KCNIP4: variants seen among roughly 807,000 people sequenced by gnomAD.
KCNIP4 encodes the protein Kv channel-interacting protein 4.
In KCNIP4, 12 loss-of-function variants were observed where a neutral mutation model predicts 34.0. The ratio of observed to expected loss-of-function variants is 0.35; its 90% CI spans 0.23 to 0.57. The LOEUF (loss-of-function observed/expected upper bound fraction) is 0.57, where lower values mean the gene tolerates loss of function less well. Among genes scored for constraint, KCNIP4 ranks in the 20% least tolerant of loss-of-function variants. The pLI is 0.83. For synonymous variants in KCNIP4, 124 were observed against 102.2 expected (o/e 1.21, Z -1.29); for missense variants, 238 against 311.7 (o/e 0.76, Z 1.78).
chr4:21,437,763 A>C (rs1223454811), intron 1 of KCNIP4, among the ~76,000 whole-genome samples: 1 of 152,216 alleles, frequency 6.6e-6, no homozygotes, highest in East Asian at 1.9e-4. Flanking sequence ...GTAACAAAAT[A>C]AAAGGGCTGA....
At chr4:20,901,890 A>G (rs944692551) in intron 1 of KCNIP4, among the ~76,000 whole-genome samples, 3 of 151,554 alleles carry the variant, frequency 2.0e-5, no homozygotes, top group South Asian at 2.1e-4. Flanking sequence ...CTATCTTTCC[A>G]AGAAAGGAAA....
chr4:20,952,915 G>T (rs908195175), intron 1 of KCNIP4, among the ~76,000 whole-genome samples: 1 of 152,224 alleles, frequency 6.6e-6, no homozygotes, highest in East Asian at 1.9e-4. Flanking sequence ...AGATGACACC[G>T]TCTTGCTGTG....
intron 1 of KCNIP4, among the ~76,000 whole-genome samples, chr4:21,904,377 A>C (rs375254302): frequency 4.6e-5 from 7 of 152,312 alleles, no homozygotes; most frequent in African/African-American, 1.7e-4. Flanking sequence ...AAACAGACAC[A>C]AAGATATCCC....
intron 1 of KCNIP4, among the ~76,000 whole-genome samples, chr4:21,251,221 G>A (rs1322589462): frequency 6.6e-6 from 1 of 152,098 alleles, no homozygotes; most frequent in Non-Finnish European, 1.5e-5. Context: ...TATCTATATT[G>A]TTAGATTATG....
chr4:20,769,740 C>G (rs943651078), intron 3 of KCNIP4, among the ~76,000 whole-genome samples: 24 of 152,220 alleles, frequency 1.6e-4, no homozygotes, highest in Non-Finnish European at 3.4e-4. Context: ...CTCTTCCAAG[C>G]TCACTGAGGT....
chr4:20,995,363 T>C (rs1425851381), intron 1 of KCNIP4, among the ~76,000 whole-genome samples: 3 of 152,202 alleles, frequency 2.0e-5, no homozygotes, highest in East Asian at 1.9e-4. Context: ...GTTAATGTAG[T>C]TAAAGCATTC....
intron 1 of KCNIP4, among the ~76,000 whole-genome samples, chr4:21,243,838 A>G (rs1280083132): frequency 2.6e-5 from 4 of 152,178 alleles, no homozygotes; most frequent in Non-Finnish European, 4.4e-5. Context: ...AGCATATTGC[A>G]TGCTAGAGGC....
At chr4:21,389,976 T>G (rs1258100140) in intron 1 of KCNIP4, among the ~76,000 whole-genome samples, 1 of 143,208 alleles carries the variant, frequency 7.0e-6, no homozygotes, top group Non-Finnish European at 1.6e-5. Flanking sequence ...GTTTCCTGAC[T>G]TTTTAATGAT....
intron 3 of KCNIP4, among the ~76,000 whole-genome samples, chr4:20,812,428 G>A (rs982772888): frequency 1.3e-5 from 2 of 152,114 alleles, no homozygotes; most frequent in African/African-American, 4.8e-5. Flanking sequence ...AGCAGCAGGA[G>A]AAAGAGATAA....
chr4:21,876,462 T>C (rs181329734), intron 1 of KCNIP4, among the ~76,000 whole-genome samples: 2 of 152,112 alleles, frequency 1.3e-5, no homozygotes, highest in Admixed American at 1.3e-4. Flanking sequence ...AGCAGGATTG[T>C]AAGCGGAGTA....
chr4:21,856,642 C>G (rs1370923276), intron 1 of KCNIP4, among the ~76,000 whole-genome samples: 1 of 151,984 alleles, frequency 6.6e-6, no homozygotes, highest in Non-Finnish European at 1.5e-5. Flanking sequence ...CCCCACCTTC[C>G]CGGGCACACC....
At chr4:21,629,445 G>T (rs902488953) in intron 1 of KCNIP4, among the ~76,000 whole-genome samples, 1 of 152,202 alleles carries the variant, frequency 6.6e-6, no homozygotes, top group Non-Finnish European at 1.5e-5. Context: ...GCTGTCAGCT[G>T]TAGGCGCTTT....
intron 1 of KCNIP4, among the ~76,000 whole-genome samples, chr4:21,704,753 T>C (rs935914686): frequency 6.6e-6 from 1 of 152,246 alleles, no homozygotes; most frequent in Admixed American, 6.5e-5. Flanking sequence ...GGATCACTCA[T>C]ACATGGACAG....
At position 21,897,780 on chromosome 4, in the gene KCNIP4, AG is replaced by A. The variant is rs575125430; in HGVS notation, c.61+50790del. On this transcript the variant is annotated intron_variant, in intron 1 of 8. Coordinates refer to ENST00000382152, the MANE Select transcript of KCNIP4 (RefSeq NM_025221.6). Reference sequence around the variant, plus strand: ...TTGAGCAACTATTCATACAAAAAAAAGCAACTTCATAAGAACCAAAAATCAG... The same window carrying A: ...TTGAGCAACTATTCATACAAAAAAAACAACTTCATAAGAACCAAAAATCAG... Among the ~76,000 whole-genome samples the A allele has an allele frequency of 5.5e-4, 83 of 152,274 alleles. No individual in the cohort carries two copies. The South Asian group carries it at 6.2e-3, about 11-fold the overall frequency.
intron 1 of KCNIP4, among the ~76,000 whole-genome samples, chr4:21,364,402 A>T (rs552059828): frequency 4.4e-4 from 67 of 152,194 alleles, no homozygotes; most frequent in Non-Finnish European, 6.5e-4. Context: ...CTATTATATA[A>T]CATCATCAGA....
At chr4:21,668,209 C>G (rs374369226) in intron 1 of KCNIP4, among the ~76,000 whole-genome samples, 158 of 152,150 alleles carry the variant, frequency 1.0e-3, no homozygotes, top group East Asian at 1.7e-3. Context: ...GAGAGGGGAA[C>G]GTCACACCAG....
intron 1 of KCNIP4, among the ~76,000 whole-genome samples, chr4:21,447,334 C>G (rs1728118503): frequency 6.6e-6 from 1 of 152,122 alleles, no homozygotes; most frequent in Non-Finnish European, 1.5e-5. Context: ...AAAATTCTCT[C>G]CCAGGCCTCC....
intron 1 of KCNIP4, among the ~76,000 whole-genome samples, chr4:21,592,780 A>C (rs774663294): frequency 5.9e-5 from 9 of 152,120 alleles, no homozygotes; most frequent in Non-Finnish European, 7.4e-5. Context: ...ATTCAACAAG[A>C]GCTAAGGTGT....
intron 1 of KCNIP4, among the ~76,000 whole-genome samples, chr4:21,558,729 C>G (rs964903137): frequency 1.3e-5 from 2 of 152,070 alleles, no homozygotes; most frequent in African/African-American, 4.8e-5. Context: ...ATAACTATTT[C>G]TTGCCTGTTT....
Sources: gnomAD v4.1 joint callset for allele counts (sites outside exome capture counted in the v4.1 genomes callset) on GRCh38, gnomAD v4.1.1 for gene constraint, MANE v1.5 for transcripts, NCBI Gene and HGNC (gene_info 2026-07-23, HGNC 2026-07-21) for gene names.